The following MAD1L1 variants were observed in gnomAD, a reference collection of about 807,000 sequenced individuals.
MAD1L1 encodes the protein mitotic spindle assembly checkpoint protein MAD1.
A neutral mutation model predicts 96.9 loss-of-function variants in MAD1L1; 95 were observed. That is an observed-to-expected ratio of 0.98 (90% confidence interval 0.83 to 1.16). The LOEUF is 1.16. Among genes scored for constraint, MAD1L1 ranks in the 50% most tolerant of loss-of-function variants. The probability of loss-of-function intolerance (pLI) is 0.00; values close to 1 mark genes in which losing one functional copy is unlikely to be tolerated. For synonymous variants in MAD1L1, 473 were observed against 396.6 expected, an observed-to-expected ratio of 1.19 and a Z score of -2.29; for missense variants, 1,007 against 954.4, an observed-to-expected ratio of 1.06 and a Z score of -0.73.
At chr7:1,856,899 C>T (rs751859915) in intron 18 of MAD1L1, among the ~76,000 whole-genome samples, 48 of 152,096 alleles carry the variant, frequency 3.2e-4, no homozygotes, top group Non-Finnish European at 5.6e-4. Context: ...GCCTGTGTGT[C>T]CCCAGGGAGG....
At chr7:2,008,753 C>A (rs1009228785) in intron 13 of MAD1L1, among the ~76,000 whole-genome samples, 1 of 147,192 alleles carries the variant, frequency 6.8e-6, no homozygotes, top group Non-Finnish European at 1.5e-5. Context: ...GCCTCAGACG[C>A]AGACACGCAG....
chr7:2,211,374 G>C (rs1162753576), intron 10 of MAD1L1, among the ~76,000 whole-genome samples: 1 of 152,222 alleles, frequency 6.6e-6, no homozygotes, highest in Non-Finnish European at 1.5e-5. Flanking sequence ...GAACAGGGCT[G>C]AAAGGATCCA....
intron 10 of MAD1L1, among the ~76,000 whole-genome samples, chr7:2,160,329 ATTTTTTTTTT>A (rs58004689): frequency 2.7e-5 from 3 of 109,718 alleles, no homozygotes; most frequent in Non-Finnish European, 5.5e-5. Context: ...ACTGGATCCT[ATTTTTTTTTT>A]TTTTTTTTTT....
At chr7:1,973,837 G>A (rs534737329) in intron 15 of MAD1L1, among the ~76,000 whole-genome samples, 31 of 152,210 alleles carry the variant, frequency 2.0e-4, no homozygotes, top group Non-Finnish European at 2.9e-4. Flanking sequence ...CAGAGAGCCA[G>A]AGCTGGGCCT....
chr7:1,988,107 G>C (rs1332012425), intron 14 of MAD1L1, among the ~76,000 whole-genome samples: 1 of 152,248 alleles, frequency 6.6e-6, no homozygotes, highest in South Asian at 2.1e-4. Context: ...AGAAGAAAAG[G>C]AGTAGCAGGT....
intron 18 of MAD1L1, among the ~76,000 whole-genome samples, chr7:1,887,296 T>C (rs1210880140): frequency 6.6e-6 from 1 of 152,016 alleles, no homozygotes; most frequent in East Asian, 1.9e-4. Context: ...TGGCTGCCTG[T>C]GTGTGGGCAT....
chr7:2,047,638 C>G (rs1783982699), intron 12 of MAD1L1, among the ~76,000 whole-genome samples: 1 of 152,330 alleles, frequency 6.6e-6, no homozygotes, highest in South Asian at 2.1e-4. Context: ...CATAAAAGAA[C>G]CAGTGTTCCA....
chr7:1,892,287 AG>A (rs1421712603), intron 18 of MAD1L1, among the ~76,000 whole-genome samples: 14 of 152,154 alleles, frequency 9.2e-5, no homozygotes, highest in Non-Finnish European at 1.9e-4. Flanking sequence ...AAGTCATTCT[AG>A]GAAGTTCCCG....
chr7:1,888,056 C>A (rs1399991196), intron 18 of MAD1L1, among the ~76,000 whole-genome samples: 1 of 142,204 alleles, frequency 7.0e-6, no homozygotes, highest in Non-Finnish European at 1.5e-5. Flanking sequence ...TGTGAGCCTT[C>A]ATCCGTGTGG....
chr7:2,230,256 T>C, intron 2 of MAD1L1, 113 bp from the exon 3 acceptor site: 2 of 734,626 alleles, frequency 2.7e-6, no homozygotes, highest in Middle Eastern at 3.2e-4. Context: ...TTGGAGCTCA[T>C]AATACACCCA....
chr7:2,081,353 G>A (rs556927418), intron 11 of MAD1L1, among the ~76,000 whole-genome samples: 88 of 152,304 alleles, frequency 5.8e-4, no homozygotes, highest in African/African-American at 2.0e-3. Flanking sequence ...TCAAACTGAC[G>A]CGTAAAGGAA....
intron 12 of MAD1L1, among the ~76,000 whole-genome samples, chr7:2,066,474 G>A (rs1429766075): frequency 3.9e-5 from 6 of 152,230 alleles, no homozygotes; most frequent in African/African-American, 7.2e-5. Flanking sequence ...GTCCATGCCC[G>A]GCGATCAATA....
At chr7:2,212,869 T>C (rs765168790) in intron 10 of MAD1L1, among the ~76,000 whole-genome samples, 5 of 152,348 alleles carry the variant, frequency 3.3e-5, no homozygotes, top group Non-Finnish European at 4.4e-5. Flanking sequence ...CTAAAATGAA[T>C]GATTTCCCCC....
intron 11 of MAD1L1, among the ~76,000 whole-genome samples, chr7:2,102,272 T>G (rs1439596311): frequency 1.2e-5 from 1 of 86,096 alleles, no homozygotes. Flanking sequence ...CCACCATCAC[T>G]ATCACCACCA....
intron 14 of MAD1L1, among the ~76,000 whole-genome samples, chr7:1,994,532 C>T (rs887685301): frequency 1.3e-5 from 2 of 152,178 alleles, no homozygotes; most frequent in Admixed American, 6.5e-5. Context: ...GGGCAGTGAG[C>T]GCCCACCGGG....
chr7:1,910,723 C>G (rs148520124), intron 17 of MAD1L1, among the ~76,000 whole-genome samples: 3 of 152,338 alleles, frequency 2.0e-5, no homozygotes, highest in Admixed American at 6.5e-5. Context: ...AGAGCCTGCT[C>G]GGGCTTTGAG....
chr7:2,070,907 G>A (rs116961078), intron 11 of MAD1L1, among the ~76,000 whole-genome samples: 295 of 152,260 alleles, frequency 1.9e-3, no homozygotes, highest in Non-Finnish European at 2.9e-3. Context: ...GACAGATGGC[G>A]CTTTCTTGGG....
At chr7:1,925,581 C>T (rs944109078) in intron 17 of MAD1L1, among the ~76,000 whole-genome samples, 2 of 152,222 alleles carry the variant, frequency 1.3e-5, no homozygotes, top group Admixed American at 6.5e-5. Context: ...AATCCACTCA[C>T]CAAGGTGGAG....
intron 11 of MAD1L1, among the ~76,000 whole-genome samples, chr7:2,132,378 ACCGCGCGT>A: frequency 6.7e-6 from 1 of 149,342 alleles, no homozygotes; most frequent in Admixed American, 6.7e-5. Context: ...TCCCTGTGCG[ACCGCGCGT>A]CCACCATCAC....
Sources: allele counts gnomAD v4.1 joint callset (sites outside exome capture counted in the v4.1 genomes callset), GRCh38; gene constraint gnomAD v4.1.1; transcripts MANE v1.5; gene names NCBI Gene and HGNC (gene_info 2026-07-23, HGNC 2026-07-21).